SPIN1: variants seen among roughly 807,000 people sequenced by gnomAD.
The protein encoded by SPIN1 is spindlin-1.
SPIN1 carries 3 observed loss-of-function variants against 26.0 expected under a neutral mutation model. That is an observed-to-expected ratio of 0.12 (90% CI 0.05 to 0.30). SPIN1 has a LOEUF of 0.30. Among genes scored for constraint, SPIN1 ranks in the 10% least tolerant of loss-of-function variants. The pLI, the probability that SPIN1 is intolerant of heterozygous loss-of-function variation, is 1.00. For synonymous variants in SPIN1, 101 were observed against 116.5 expected (o/e 0.87, Z 0.86); for missense variants, 126 against 333.4 (o/e 0.38, Z 4.84).
intron 2 of SPIN1, among the ~76,000 whole-genome samples, chr9:88,436,264 A>G (rs1827996461): frequency 6.6e-6 from 1 of 152,146 alleles, no homozygotes; most frequent in Admixed American, 6.6e-5. Flanking sequence ...ACAGAAGAAT[A>G]ATTTTAGACT....
intron 5 of SPIN1, 61 bp downstream of exon 5, chr9:88,468,666 A>G (rs1203604353): frequency 9.3e-7 from 1 of 1,077,594 alleles, no homozygotes; most frequent in African/African-American, 1.6e-5. Flanking sequence ...CTTCAGTACA[A>G]GATATTTGAT....
intron 1 of SPIN1, among the ~76,000 whole-genome samples, chr9:88,406,417 A>G (rs201679116): frequency 6.7e-6 from 1 of 150,370 alleles, no homozygotes; most frequent in South Asian, 2.1e-4. Context: ...CAGCCTCCCC[A>G]GTAGCTGGGA....
chr9:88,471,654 C>CAAAAAA lies in SPIN1; in HGVS notation c.589+3069_589+3074dup, dbSNP rs1166469042. ...TGGGCAACAGAGCGAGACTCTGTCT[C>CAAAAAA]AAAAAAAAAAAAAAAAAAAAAAAAA... is the stretch of plus-strand genomic sequence containing the variant. On this transcript the variant is annotated intron_variant, in intron 5 of 5. Transcript: ENST00000375859. Among the ~76,000 whole-genome samples the CAAAAAA allele has an allele frequency of 1.1e-3, 64 of 59,732 alleles. 1 individual carries two copies. Among genetic ancestry groups the CAAAAAA allele is most frequent in the African/African-American group, 2.6e-3 (39 of 14,822 alleles). The allele number at this position is 59,732 out of a possible 152,430, so 39.2% of individuals were successfully genotyped here. A position where few individuals can be genotyped will look rare whatever the true frequency, so the allele number is the denominator to read the frequency against.
At chr9:88,430,850 G>C (rs1023192649) in intron 2 of SPIN1, among the ~76,000 whole-genome samples, 5 of 148,968 alleles carry the variant, frequency 3.4e-5, no homozygotes, top group Admixed American at 3.3e-4. Flanking sequence ...TTTAGCAAAG[G>C]TTGCAGTATT....
intron 2 of SPIN1, among the ~76,000 whole-genome samples, chr9:88,445,693 GCT>G (rs1491240297): frequency 1.3e-5 from 2 of 151,428 alleles, no homozygotes; most frequent in Non-Finnish European, 2.9e-5. Flanking sequence ...ACTATGCCCA[GCT>G]TTTTTTTTTC....
At chr9:88,389,722 A>G (rs1299931906) in intron 1 of SPIN1, among the ~76,000 whole-genome samples, 4 of 152,188 alleles carry the variant, frequency 2.6e-5, no homozygotes, top group African/African-American at 9.6e-5. Context: ...CTTTTTTTCT[A>G]TTGGAATTTT....
chr9:88,392,423 T>C (rs1826944494), intron 1 of SPIN1, among the ~76,000 whole-genome samples: 2 of 152,276 alleles, frequency 1.3e-5, no homozygotes, highest in South Asian at 4.2e-4. Flanking sequence ...GCTGAAGGTA[T>C]CTGGGAAGAG....
chr9:88,389,173 C>T (rs926599228), intron 1 of SPIN1, among the ~76,000 whole-genome samples: 2 of 152,166 alleles, frequency 1.3e-5, no homozygotes, highest in Non-Finnish European at 1.5e-5. Context: ...GTCCTCGCGC[C>T]CGCGCAGCCC....
intron 1 of SPIN1, among the ~76,000 whole-genome samples, chr9:88,412,889 G>T (rs1827480854): frequency 6.6e-6 from 1 of 151,804 alleles, no homozygotes; most frequent in Non-Finnish European, 1.5e-5. Flanking sequence ...TCACTATGTT[G>T]GCCAGGCTGG....
intron 3 of SPIN1, chr9:88,457,729 T>G: frequency 1.5e-6 from 1 of 654,310 alleles, no homozygotes; most frequent in African/African-American, 2.0e-5. Flanking sequence ...AAATAATAAT[T>G]TGAGGCTTGC....
chr9:88,431,246 G>T (rs1414774299), intron 2 of SPIN1, among the ~76,000 whole-genome samples: 2 of 150,654 alleles, frequency 1.3e-5, no homozygotes, highest in African/African-American at 4.9e-5. Flanking sequence ...AGATGCTCAT[G>T]TACCTACTAC....
In SPIN1 at chr9:88,430,693, CTT is replaced by C. The variant is rs1488900521; in HGVS notation, c.52+4103_52+4104del. The stretch of plus-strand genomic sequence containing the variant: ...TCAGGAATTTCTGTTTTGAAAATAA[CTT>C]ACGTTTATCTGTGATTATGTTGAAA... On this transcript the variant is annotated intron_variant, in intron 2 of 5. Transcript: ENST00000375859. 9.2e-5 allele frequency among the ~76,000 whole-genome samples: 14 copies of C among 152,242 alleles called. 1 individual carries two copies. In the East Asian group the frequency reaches 1.3e-3, roughly 15 times the overall value.
intron 1 of SPIN1, chr9:88,416,874 C>T (rs1276397498): frequency 6.6e-6 from 1 of 152,254 alleles, no homozygotes; most frequent in Non-Finnish European, 1.5e-5. Flanking sequence ...CTGCCCACCT[C>T]AGCCTCCCAA....
chr9:88,418,094 T>A lies in SPIN1; in HGVS notation c.-158-8288T>A, dbSNP rs186042883. On this transcript the variant is annotated intron_variant, in intron 1 of 5. Transcript: ENST00000375859. ...GGTTTTTCTGTGATCTTCAGTAAGC[T>A]GGCATGATTGATTATGTCGTTGCCC... is the stretch of plus-strand genomic sequence containing the variant. Among the ~76,000 whole-genome samples the A allele has an allele frequency of 2.8e-3, 422 of 152,316 alleles. 1 individual carries two copies. The highest frequency in any genetic ancestry group is 5.0e-3 in the Non-Finnish European group (337 of 68,020).
intron 2 of SPIN1, among the ~76,000 whole-genome samples, chr9:88,446,216 T>C (rs1218924048): frequency 6.6e-6 from 1 of 152,198 alleles, no homozygotes; most frequent in Non-Finnish European, 1.5e-5. Flanking sequence ...TTCACTCTTT[T>C]AGAATTTGGA....
intron 2 of SPIN1, among the ~76,000 whole-genome samples, chr9:88,432,080 T>C (rs1248521770): frequency 1.3e-5 from 2 of 152,164 alleles, no homozygotes; most frequent in Admixed American, 6.5e-5. Flanking sequence ...ATGTTTCTTC[T>C]TTAACTGTCT....
chr9:88,445,656 C>T (rs914147738), intron 2 of SPIN1, among the ~76,000 whole-genome samples: 2 of 150,968 alleles, frequency 1.3e-5, no homozygotes, highest in African/African-American at 4.9e-5. Context: ...GATTCTCTTG[C>T]CTTAGCCAGA....
At chr9:88,408,140 G>A (rs2117943667) in intron 1 of SPIN1, among the ~76,000 whole-genome samples, 1 of 151,664 alleles carries the variant, frequency 6.6e-6, no homozygotes. Context: ...ACTGTGATGT[G>A]TTTGGTTATA....
chr9:88,460,731 A>G (rs1020659497), intron 3 of SPIN1, among the ~76,000 whole-genome samples: 19 of 152,156 alleles, frequency 1.2e-4, no homozygotes, highest in African/African-American at 4.6e-4. Context: ...CTTTTGTTCT[A>G]TTCAAGCCCT....
Sources: allele counts gnomAD v4.1 joint callset (sites outside exome capture counted in the v4.1 genomes callset), GRCh38; gene constraint gnomAD v4.1.1; transcripts MANE v1.5; gene names NCBI Gene and HGNC (gene_info 2026-07-23, HGNC 2026-07-21).